The following RBBP8 variants were observed in gnomAD, a reference collection of about 807,000 sequenced individuals.
The protein encoded by RBBP8 is DNA endonuclease RBBP8.
Under a neutral mutation model 108.3 loss-of-function variants are expected in RBBP8, and 88 were observed. The observed-to-expected ratio is 0.81, with a 90% CI of 0.68 to 0.97. The LOEUF is 0.97. RBBP8 is among the 50% of genes least tolerant of loss of function. RBBP8 has a pLI of 0.00. For missense variants in RBBP8, 1,023 were observed against 1,049.0 expected (o/e 0.98, Z 0.34); for synonymous variants, 332 against 348.2 (o/e 0.95, Z 0.52).
intron 6 of RBBP8, chr18:22,977,944 G>A (rs1337969064): frequency 1.3e-5 from 2 of 152,016 alleles, no homozygotes; most frequent in Non-Finnish European, 2.9e-5. Flanking sequence ...CATTCATGTG[G>A]CATTACTTCA....
chr18:22,992,995 C>G lies in RBBP8; in HGVS notation c.1168C>G (p.Leu390Val). Residue 390 changes from leucine (L) to valine (V), a missense_variant, in exon 11 of 19, where the codon CTT (leucine) becomes GTT (valine). Transcript: ENST00000327155. ...TAGTGCCCTTTTCACACATCACAGT[C>G]TTGGGTCTGAAGTGAACAAGATCAT... ...EDSALFTHHS[L>V]GSEVNKIIIQ... is the part of the protein sequence containing the mutation. The G allele has an allele frequency of 6.2e-7, 1 of 1,613,596 alleles. No homozygotes were observed. The highest frequency in any genetic ancestry group is 8.5e-7 in the Non-Finnish European group (1 of 1,179,586).
At chr18:22,950,236 C>T (rs1911919224) in intron 4 of RBBP8, among the ~76,000 whole-genome samples, 1 of 152,134 alleles carries the variant, frequency 6.6e-6, no homozygotes, top group South Asian at 2.1e-4. Context: ...GCTGTTTTCC[C>T]TTTTCTGAAT....
At chr18:22,943,225 C>T (rs368493599) in intron 2 of RBBP8, among the ~76,000 whole-genome samples, 3 of 150,906 alleles carry the variant, frequency 2.0e-5, no homozygotes, top group Admixed American at 1.3e-4. Context: ...TACTTGAGTC[C>T]GGGAGTCTGA....
intron 10 of RBBP8, 44 bp from the exon 11 acceptor site, chr18:22,992,704 A>G (rs555407222): frequency 6.6e-7 from 1 of 1,507,768 alleles, no homozygotes; most frequent in Admixed American, 1.7e-5. Context: ...ATAAGACCTT[A>G]CTATTAATTC....
At chr18:22,998,356 A>G (rs549700333) in intron 14 of RBBP8, among the ~76,000 whole-genome samples, 1 of 152,342 alleles carries the variant, frequency 6.6e-6, no homozygotes, top group South Asian at 2.1e-4. Context: ...CTGATAAGGC[A>G]ATTTGGCCAA....
intron 1 of RBBP8, among the ~76,000 whole-genome samples, chr18:22,914,770 A>G (rs1262137002): frequency 6.6e-6 from 1 of 152,166 alleles, no homozygotes; most frequent in Non-Finnish European, 1.5e-5. Flanking sequence ...CATTAGAGGA[A>G]CAATTCACAG....
At position 22,997,720 on chromosome 18, in the gene RBBP8, GA is replaced by G; in HGVS notation, c.2130del (p.Glu711LysfsTer10). On this transcript the variant is annotated frameshift_variant, in exon 14 of 19. Transcript: ENST00000327155. LOFTEE classifies it high-confidence loss of function. ...LLKMKKQEQK[G>X]EKSSNEERKM... ...AAAATGAAGAAGCAAGAGCAGAAGG[GA>G]GAAAAAAGTTCAAGTAAGATCTGTT... 6.3e-7 allele frequency: 1 copy of G among 1,593,634 alleles called. No individual in the cohort carries two copies. Among genetic ancestry groups the G allele is most frequent in the Non-Finnish European group, 8.6e-7 (1 of 1,165,322 alleles).
At chr18:22,964,697 G>A (rs1331071228) in intron 4 of RBBP8, among the ~76,000 whole-genome samples, 1 of 150,682 alleles carries the variant, frequency 6.6e-6, no homozygotes, top group Non-Finnish European at 1.5e-5. Context: ...TGACTATGTT[G>A]CCTGTGCTGG....
chr18:22,922,609 C>T (rs550033117), intron 3 of RBBP8, among the ~76,000 whole-genome samples: 33 of 152,120 alleles, frequency 2.2e-4, no homozygotes, highest in East Asian at 1.5e-3. Flanking sequence ...ACTATAGGCA[C>T]GCATAACCAT....
At chr18:23,008,239 A>T (rs890103744) in intron 16 of RBBP8, among the ~76,000 whole-genome samples, 2 of 107,606 alleles carry the variant, frequency 1.9e-5, no homozygotes, top group African/African-American at 6.1e-5. Flanking sequence ...TTCAAAAAAA[A>T]TTGTTATTTT....
chr18:22,979,542 T>C (rs937529308), intron 6 of RBBP8, among the ~76,000 whole-genome samples: 8 of 152,212 alleles, frequency 5.3e-5, no homozygotes, highest in Non-Finnish European at 1.0e-4. Context: ...CTATATAAGC[T>C]TTTATTTGGA....
At chr18:22,971,326 A>G (rs1026294360) in intron 5 of RBBP8, among the ~76,000 whole-genome samples, 3 of 152,174 alleles carry the variant, frequency 2.0e-5, no homozygotes, top group Non-Finnish European at 2.9e-5. Flanking sequence ...ATTTGCAAAT[A>G]GTGACAATTT....
rs533813816 is a variant in RBBP8, at chr18:23,026,441, G to C, written c.*201G>C. On this transcript the variant is annotated 3_prime_UTR_variant, in exon 19 of 19. Transcript: ENST00000327155. ...TTTCATTTTGCACTCTAACTTAAGA[G>C]TTTTTACTTTATGTAGTGATACCTA... 1 of 532,504 alleles carries C rather than the reference G, an allele frequency of 1.9e-6. No individual in the cohort carries two copies. Among genetic ancestry groups the C allele is most frequent in the African/African-American group, 1.9e-5 (1 of 51,898 alleles). The allele number at this position is 532,504 out of a possible 1,614,324, so 33.0% of individuals were successfully genotyped here.
At chr18:22,975,031 CATT>C (rs1914400818) in intron 5 of RBBP8, 119 bp from the exon 6 acceptor site, 22 of 1,239,706 alleles carry the variant, frequency 1.8e-5, no homozygotes, top group Non-Finnish European at 2.2e-5. Context: ...CCTGAATAAA[CATT>C]ATGATTTAGG....
At chr18:22,971,803 GC>G (rs1401815943) in intron 5 of RBBP8, among the ~76,000 whole-genome samples, 1 of 151,040 alleles carries the variant, frequency 6.6e-6, no homozygotes, top group Non-Finnish European at 1.5e-5. Flanking sequence ...CCACCACCAC[GC>G]CCAGCTAATT....
At chr18:22,954,876 AACTC>A (rs1176792207) in intron 4 of RBBP8, among the ~76,000 whole-genome samples, 1 of 152,064 alleles carries the variant, frequency 6.6e-6, no homozygotes, top group East Asian at 1.9e-4. Context: ...ATCTCGTTAG[AACTC>A]ACTATCAAGA....
intron 5 of RBBP8, among the ~76,000 whole-genome samples, chr18:22,970,194 G>C (rs1913969342): frequency 6.6e-6 from 1 of 152,106 alleles, no homozygotes. Flanking sequence ...TTTGCTTTTT[G>C]GAACTTTGTA....
chr18:22,967,645 ATT>A (rs1410826642), intron 4 of RBBP8, among the ~76,000 whole-genome samples: 33 of 131,470 alleles, frequency 2.5e-4, no homozygotes, highest in Middle Eastern at 4.0e-3. Flanking sequence ...GCTATTTCGT[ATT>A]TTTTTTTTTT....
intron 16 of RBBP8, among the ~76,000 whole-genome samples, chr18:23,007,085 A>G (rs1225309314): frequency 6.7e-6 from 1 of 150,352 alleles, no homozygotes; most frequent in East Asian, 2.0e-4. Context: ...CAGTGGCGCA[A>G]TCTCGGCTCA....
Sources: allele counts gnomAD v4.1 joint callset (sites outside exome capture counted in the v4.1 genomes callset), GRCh38; gene constraint gnomAD v4.1.1; transcripts MANE v1.5; gene names NCBI Gene and HGNC (gene_info 2026-07-23, HGNC 2026-07-21).